The following ENDOV variants were observed in gnomAD, a reference collection of about 807,000 sequenced individuals.
ENDOV encodes the protein endonuclease V.
In ENDOV, 37 loss-of-function variants were observed where a neutral mutation model predicts 39.4. That is an observed-to-expected ratio of 0.94 (90% confidence interval 0.72 to 1.23). The LOEUF (loss-of-function observed/expected upper bound fraction) is 1.23. Ranked by LOEUF, ENDOV falls within the 50% of genes most tolerant of loss-of-function variation. The pLI is 0.00. For missense variants in ENDOV, 441 were observed against 375.7 expected, an observed-to-expected ratio of 1.17 and a Z score of -1.44; for synonymous variants, 186 against 163.4, an observed-to-expected ratio of 1.14 and a Z score of -1.05.
At position 80,436,439 on chromosome 17, in the gene ENDOV, A is replaced by AG; in HGVS notation, c.*296_*297insG. On this transcript the variant is annotated 3_prime_UTR_variant, in exon 10 of 10. Transcript: ENST00000518137. ...AAGGATGCTCTTCATCCAGCTGAAG[A>AG]CGGTCCCTTCTAGTCCTAATTTGTT... is the stretch of plus-strand genomic sequence containing the variant. 8.1e-7 allele frequency: 1 copy of AG among 1,230,466 alleles called. No homozygotes were observed. The highest frequency in any genetic ancestry group is 1.1e-6 in the Non-Finnish European group (1 of 934,724). The allele number at this position is 1,230,466 out of a possible 1,614,324, so 76.2% of individuals were successfully genotyped here.
intron 7 of ENDOV, chr17:80,427,753 G>A: frequency 3.1e-6 from 4 of 1,289,316 alleles, no homozygotes; most frequent in Non-Finnish European, 4.0e-6. Context: ...CTCCGCGCCG[G>A]GCCGTCTTGG....
chr17:80,429,178 C>T (rs1167485372), intron 8 of ENDOV, among the ~76,000 whole-genome samples: 1 of 152,232 alleles, frequency 6.6e-6, no homozygotes, highest in Non-Finnish European at 1.5e-5. Flanking sequence ...CAGTGCAAGG[C>T]ATTGTCTTAA....
Position 80,415,169 on chromosome 17 carries a change from G to A in ENDOV, c.-26G>A, listed in dbSNP as rs762529409. ...AGCGAGTCGCTTCCGGAAGTGACGTGCGGAAGGGGTGCCCGGGACGAAGCC... is the reference window on the plus strand; with the variant it reads ...AGCGAGTCGCTTCCGGAAGTGACGTACGGAAGGGGTGCCCGGGACGAAGCC... On this transcript the variant is annotated 5_prime_UTR_variant, in exon 1 of 10. Transcript: ENST00000518137. The A allele has an allele frequency of 5.6e-6, 9 of 1,611,602 alleles. No homozygotes were observed. Among genetic ancestry groups the A allele is most frequent in the Middle Eastern group, 1.6e-4 (1 of 6,076 alleles).
chr17:80,426,854 AGGCTGTGGACGCAGGTCT>A, intron 7 of ENDOV, among the ~76,000 whole-genome samples: 1 of 152,284 alleles, frequency 6.6e-6, no homozygotes, highest in East Asian at 1.9e-4. Flanking sequence ...CGTGCTGTGG[AGGCTGTGGACGCAGGTCT>A]GCACAAGCCA....
intron 2 of ENDOV, chr17:80,416,104 G>T (rs2081110890): frequency 6.5e-6 from 2 of 306,394 alleles, no homozygotes; most frequent in South Asian, 3.0e-5. Context: ...GGGTGTGGTG[G>T]CATATACCTG....
rs1568245913 is a variant in ENDOV, at chr17:80,428,617, C to T, written c.736C>T (p.His246Tyr). ...VRQADICSRE[H>Y]IRKSLGLPGP... ...CCAGGCTGACATCTGCTCCCGAGAG[C>T]ACATCCGCAAGTCGCTGGGACTCCC... The change falls in exon 8 of 10, where the codon CAC (histidine) becomes TAC (tyrosine). Residue 246 changes from histidine to tyrosine, a missense_variant. By Grantham distance (83) the His-to-Tyr change is moderately conservative. Coordinates refer to ENST00000518137, the MANE Select transcript of ENDOV (RefSeq NM_173627.5). 2 of 1,586,266 alleles carry T rather than the reference C, an allele frequency of 1.3e-6. No individual in the cohort carries two copies. Among genetic ancestry groups the T allele is most frequent in the Admixed American group, 1.8e-5 (1 of 56,714 alleles).
At chr17:80,420,008 T>C in intron 2 of ENDOV, 1 of 298,728 alleles carries the variant, frequency 3.3e-6, no homozygotes, top group Non-Finnish European at 6.5e-6. Flanking sequence ...TCCCCCCAAA[T>C]TGGAAAAGGA....
chr17:80,431,259 A>G (rs928427784), intron 9 of ENDOV, among the ~76,000 whole-genome samples: 3 of 152,202 alleles, frequency 2.0e-5, no homozygotes, highest in Admixed American at 6.5e-5. Flanking sequence ...GTACACAGGC[A>G]GCAGCACTCA....
At chr17:80,435,042 C>T (rs1394554366) in intron 9 of ENDOV, among the ~76,000 whole-genome samples, 1 of 152,192 alleles carries the variant, frequency 6.6e-6, no homozygotes, top group Non-Finnish European at 1.5e-5. Context: ...TGTATATCCT[C>T]GTGAGCAAAG....
At chr17:80,416,883 T>A (rs1387806955) in intron 2 of ENDOV, 2 of 152,168 alleles carry the variant, frequency 1.3e-5, no homozygotes, top group African/African-American at 4.8e-5. Flanking sequence ...TTAGCCTGAG[T>A]AGCTAGGACC....
In ENDOV at chr17:80,436,376, C is replaced by CACCGTG; in HGVS notation, c.*233_*234insACCGTG. On this transcript the variant is annotated 3_prime_UTR_variant, in exon 10 of 10. Coordinates refer to ENST00000518137, the MANE Select transcript of ENDOV (RefSeq NM_173627.5). ...CTGATCTTAAGGGAACGTTTGCAGT[C>CACCGTG]TTTCACCACTAGATGTGATGTGAGC... 6.8e-7 allele frequency: 1 copy of CACCGTG among 1,461,092 alleles called. No individual in the cohort carries two copies. The allele number at this position is 1,461,092 out of a possible 1,614,324, so 90.5% of individuals were successfully genotyped here.
At position 80,430,288 on chromosome 17, in the gene ENDOV, G is replaced by A; in HGVS notation, c.838+457G>A. ...CGGAGCTGCAGCCTGCACGACCCCT[G>A]CAGCCTGTGCTTTGCCCACCCCTTT... On this transcript the variant is annotated intron_variant, in intron 9 of 9. Transcript: ENST00000518137. The A allele has an allele frequency of 2.7e-6, 4 of 1,501,804 alleles. No homozygotes were observed. The South Asian group carries it at 5.2e-5, about 19-fold the overall frequency. The allele number at this position is 1,501,804 out of a possible 1,614,324, so 93.0% of individuals were successfully genotyped here.
chr17:80,429,951 A>G (rs1465099893), intron 9 of ENDOV, 120 bp downstream of exon 9: 3 of 1,574,962 alleles, frequency 1.9e-6, no homozygotes, highest in Non-Finnish European at 1.7e-6. Context: ...TGAAGACAAG[A>G]AGGCCACCGG....
At chr17:80,434,632 C>T (rs2083500044) in intron 9 of ENDOV, among the ~76,000 whole-genome samples, 1 of 152,128 alleles carries the variant, frequency 6.6e-6, no homozygotes, top group African/African-American at 2.4e-5. Flanking sequence ...AGATTCTAGC[C>T]ATTCCTTGGA....
At chr17:80,429,085 A>G (rs1378318497) in intron 8 of ENDOV, among the ~76,000 whole-genome samples, 1 of 152,160 alleles carries the variant, frequency 6.6e-6, no homozygotes, top group African/African-American at 2.4e-5. Flanking sequence ...CAGCTTCCTC[A>G]TCGTCGGGAT....
chr17:80,425,553 G>T lies in ENDOV; in HGVS notation c.647G>T (p.Ser216Ile), dbSNP rs11558173. 6.0e-4 allele frequency: 955 copies of T among 1,593,464 alleles called. No homozygotes were observed. The highest frequency in any genetic ancestry group is 7.8e-4 in the Non-Finnish European group (916 of 1,173,732). ...PLYISVGHRM[S>I]LEAAVRLTCC... ...TACATCTCCGTGGGCCACAGGATGA[G>T]CCTGGAGGCCGCTGTGCGCCTGACT... Residue 216 changes from serine to isoleucine, a missense_variant, in exon 7 of 10, where the codon AGC becomes ATC. Ser to Ile is a moderately radical substitution (Grantham distance 142). Coordinates refer to ENST00000518137, the MANE Select transcript of ENDOV (RefSeq NM_173627.5).
intron 9 of ENDOV, among the ~76,000 whole-genome samples, chr17:80,430,774 C>G (rs2083286807): frequency 6.6e-6 from 1 of 152,228 alleles, no homozygotes; most frequent in Non-Finnish European, 1.5e-5. Context: ...TCCCCACAGG[C>G]TCTGAAAGTT....
intron 7 of ENDOV, 43 bp downstream of exon 7, chr17:80,425,663 G>C: frequency 6.5e-7 from 1 of 1,541,996 alleles, no homozygotes; most frequent in Non-Finnish European, 8.7e-7. Flanking sequence ...AGGCTCCTCT[G>C]CTTCCTGCCA....
chr17:80,427,863 G>A, intron 7 of ENDOV: 1 of 1,261,838 alleles, frequency 7.9e-7, no homozygotes. Context: ...GAGAGGTGCT[G>A]GCCCCGCCTA....
Sources: gnomAD v4.1 joint callset for allele counts (sites outside exome capture counted in the v4.1 genomes callset) on GRCh38, gnomAD v4.1.1 for gene constraint, MANE v1.5 for transcripts, NCBI Gene and HGNC (gene_info 2026-07-23, HGNC 2026-07-21) for gene names.